Variants in LIMCH1 observed in about 807,000 individuals in gnomAD.
LIMCH1 encodes LIM and calponin homology domains 1.
Under a neutral mutation model 176.5 loss-of-function variants are expected in LIMCH1, and 113 were observed. That is an observed-to-expected ratio of 0.64 (90% CI 0.55 to 0.75). The LOEUF (loss-of-function observed/expected upper bound fraction) is 0.75. Ranked by LOEUF, LIMCH1 falls within the 30% of genes least tolerant of loss-of-function variation. LIMCH1 has a pLI of 0.00. For missense variants in LIMCH1, 1,674 were observed against 1,814.9 expected (o/e 0.92, Z 1.41); for synonymous variants, 619 against 645.9 (o/e 0.96, Z 0.63).
chr4:41,550,147 ACT>A (rs2080182800), intron 1 of LIMCH1, among the ~76,000 whole-genome samples: 1 of 151,674 alleles, frequency 6.6e-6, no homozygotes, highest in African/African-American at 2.4e-5. Flanking sequence ...TCTTATGCCC[ACT>A]GTCCCTCATG....
chr4:41,372,748 G>A (rs900865155), intron 1 of LIMCH1, among the ~76,000 whole-genome samples: 1 of 152,098 alleles, frequency 6.6e-6, no homozygotes, highest in African/African-American at 2.4e-5. Flanking sequence ...TTGAGATTTT[G>A]TGCCTGGGTA....
intron 1 of LIMCH1, among the ~76,000 whole-genome samples, chr4:41,481,603 T>A (rs1054349076): frequency 6.6e-6 from 1 of 152,112 alleles, no homozygotes; most frequent in African/African-American, 2.4e-5. Context: ...CAACTGCAGT[T>A]GTCTGGCTGA....
intron 1 of LIMCH1, among the ~76,000 whole-genome samples, chr4:41,547,734 T>C (rs2079702177): frequency 6.9e-6 from 1 of 145,382 alleles, no homozygotes; most frequent in Non-Finnish European, 1.5e-5. Flanking sequence ...ATATATAATA[T>C]ATACATAAAT....
At chr4:41,504,224 C>G (rs891576123) in intron 2 of LIMCH1, among the ~76,000 whole-genome samples, 4 of 152,186 alleles carry the variant, frequency 2.6e-5, no homozygotes, top group Non-Finnish European at 5.9e-5. Flanking sequence ...TCAGACCTTT[C>G]TTTCCAGGGG....
intron 1 of LIMCH1, among the ~76,000 whole-genome samples, chr4:41,459,427 A>G (rs1255175500): frequency 6.6e-6 from 1 of 152,006 alleles, no homozygotes; most frequent in Non-Finnish European, 1.5e-5. Flanking sequence ...CAGCCTCCCA[A>G]GTAGCTGAGA....
At chr4:41,697,126 C>A in intron 31 of LIMCH1, 34 bp from the exon 32 acceptor site, 2 of 1,611,846 alleles carry the variant, frequency 1.2e-6, no homozygotes, top group African/African-American at 1.3e-5. Flanking sequence ...TGTTGCCTAC[C>A]ACTCTTGTTT....
chr4:41,446,113 C>A (rs866834507), intron 1 of LIMCH1, among the ~76,000 whole-genome samples: 6 of 152,032 alleles, frequency 3.9e-5, no homozygotes, highest in Admixed American at 2.0e-4. Flanking sequence ...AGTCTATTTT[C>A]AAAACTGAAG....
intron 1 of LIMCH1, among the ~76,000 whole-genome samples, chr4:41,487,719 T>C (rs1285959306): frequency 6.9e-6 from 1 of 144,246 alleles, no homozygotes; most frequent in Non-Finnish European, 1.5e-5. Flanking sequence ...AGTGCAGTGG[T>C]GTGATCTCGG....
intron 1 of LIMCH1, among the ~76,000 whole-genome samples, chr4:41,566,355 G>A (rs2082773138): frequency 1.3e-5 from 2 of 152,136 alleles, no homozygotes; most frequent in Admixed American, 6.5e-5. Flanking sequence ...GGCAGCTATA[G>A]CCTTACAAAT....
At chr4:41,377,942 A>G (rs894221137) in intron 1 of LIMCH1, among the ~76,000 whole-genome samples, 7 of 152,166 alleles carry the variant, frequency 4.6e-5, no homozygotes, top group Non-Finnish European at 8.8e-5. Flanking sequence ...CAAAGGTTCT[A>G]TTTTTCAACA....
chr4:41,380,739 G>A (rs994407688), intron 1 of LIMCH1, among the ~76,000 whole-genome samples: 2 of 152,188 alleles, frequency 1.3e-5, no homozygotes, highest in Non-Finnish European at 2.9e-5. Context: ...GCAGATCTAA[G>A]ATTTAAAACT....
At chr4:41,589,126 G>T (rs968033681) in intron 1 of LIMCH1, among the ~76,000 whole-genome samples, 9 of 152,170 alleles carry the variant, frequency 5.9e-5, no homozygotes, top group Admixed American at 2.6e-4. Flanking sequence ...AGAGAGAAAT[G>T]GACTGAGAGA....
chr4:41,396,146 G>A (rs951166668), intron 1 of LIMCH1, among the ~76,000 whole-genome samples: 1 of 152,180 alleles, frequency 6.6e-6, no homozygotes, highest in African/African-American at 2.4e-5. Flanking sequence ...GGATCTCATA[G>A]CCAAGAGAAG....
chr4:41,667,743 A>G (rs370030652), intron 21 of LIMCH1, among the ~76,000 whole-genome samples: 2 of 152,164 alleles, frequency 1.3e-5, no homozygotes, highest in African/African-American at 4.8e-5. Context: ...GGATGTGAAC[A>G]GTGGAGGATG....
intron 1 of LIMCH1, among the ~76,000 whole-genome samples, chr4:41,582,953 T>C (rs1347231620): frequency 6.6e-6 from 1 of 152,206 alleles, no homozygotes; most frequent in Non-Finnish European, 1.5e-5. Context: ...TGGTAAAATA[T>C]ACATAACAAA....
At position 41,698,662 on chromosome 4, in the gene LIMCH1, A is replaced by C. The variant is rs937325621; in HGVS notation, c.*1477A>C. On this transcript the variant is annotated 3_prime_UTR_variant, in exon 32 of 32. Transcript: ENST00000503057. ...CAAGTAGATGTTTTTCTGTTATGTA[A>C]GCAATAATTTTTCCGTGTCTTATTG... The C allele has an allele frequency of 2.0e-5, 3 of 152,712 alleles. No homozygotes were observed. Among genetic ancestry groups the C allele is most frequent in the East Asian group, 3.9e-4 (2 of 5,186 alleles). The allele number at this position is 152,712 out of a possible 1,614,324, so 9.5% of individuals were successfully genotyped here.
At chr4:41,552,309 G>A (rs2080567435) in intron 1 of LIMCH1, among the ~76,000 whole-genome samples, 1 of 152,134 alleles carries the variant, frequency 6.6e-6, no homozygotes, top group South Asian at 2.1e-4. Flanking sequence ...TCTGTAAAAA[G>A]AAGAACCGTC....
In LIMCH1 at chr4:41,697,186, C is replaced by T. The variant is rs1258646753; in HGVS notation, c.*1C>T. On this transcript the variant is annotated 3_prime_UTR_variant, in exon 32 of 32. Transcript: ENST00000503057. ...TGCCGGGCAGCCTACAACATTGTGA[C>T]ACGGCTTTCAAGCTTCCGGATCACT... 6.2e-7 allele frequency: 1 copy of T among 1,613,446 alleles called. No homozygotes were observed. Among genetic ancestry groups the T allele is most frequent in the South Asian group, 1.1e-5 (1 of 91,012 alleles).
chr4:41,404,259 T>A (rs1272271534), intron 1 of LIMCH1, among the ~76,000 whole-genome samples: 1 of 151,656 alleles, frequency 6.6e-6, no homozygotes, highest in African/African-American at 2.4e-5. Context: ...TGTTGAGACA[T>A]GATTCATGGG....
Sources: gnomAD v4.1 joint callset for allele counts (sites outside exome capture counted in the v4.1 genomes callset) on GRCh38, gnomAD v4.1.1 for gene constraint, MANE v1.5 for transcripts, NCBI Gene and HGNC (gene_info 2026-07-23, HGNC 2026-07-21) for gene names.